Variants in EARS2 observed in about 807,000 individuals in gnomAD.
EARS2 encodes the protein nondiscriminating glutamyl-tRNA synthetase EARS2, mitochondrial.
A neutral mutation model predicts 54.1 loss-of-function variants in EARS2; 50 were observed. The observed-to-expected ratio is 0.92, with a 90% CI of 0.74 to 1.17. The LOEUF (loss-of-function observed/expected upper bound fraction) is 1.17, where lower values mean the gene tolerates loss of function less well. Ranked by LOEUF, EARS2 falls within the 50% of genes most tolerant of loss-of-function variation. EARS2 has a pLI of 0.00. For synonymous variants in EARS2, 298 were observed against 281.0 expected (o/e 1.06, Z -0.61); for missense variants, 673 against 675.0 (o/e 1.00, Z 0.03).
intron 1 of EARS2, chr16:23,556,952 C>G (rs1178550590): frequency 1.4e-6 from 1 of 692,470 alleles, no homozygotes; most frequent in Non-Finnish European, 2.6e-6. Context: ...GTCATCAATG[C>G]ACATGTATGG....
chr16:23,552,175 T>C lies in EARS2; in HGVS notation c.269A>G (p.Asn90Ser). 1 of 1,614,054 alleles carries C rather than the reference T, an allele frequency of 6.2e-7. No individual in the cohort carries two copies. The highest frequency in any genetic ancestry group is 1.1e-5 in the South Asian group (1 of 91,070). The change falls in exon 2 of 9, where the codon AAT (asparagine) becomes AGT (serine). Residue 90 changes from asparagine (N) to serine (S), a missense_variant. This residue lies in a region of EARS2 where 316 missense variants were observed against 275.2 expected (regional missense o/e 1.15). Transcript: ENST00000449606. Reference sequence around the variant, plus strand: ...TGCCCACTCCAGCATGTCCTCAATATTCTCCGCTGCCCCAGGCACAACGCG... The same window carrying C: ...TGCCCACTCCAGCATGTCCTCAATACTCTCCGCTGCCCCAGGCACAACGCG... ...QTRVVPGAAE[N>S]IEDMLEWAGI...
rs1249490630 is a variant in EARS2 at position 23,524,390 on chromosome 16, T to C, written c.1553A>G (p.Gln518Arg). 9 of 1,614,060 alleles carry C rather than the reference T, an allele frequency of 5.6e-6. No homozygotes were observed. Among genetic ancestry groups the C allele is most frequent in the Non-Finnish European group, 7.6e-6 (9 of 1,180,006 alleles). The stretch of plus-strand genomic sequence containing the variant: ...CTCTCCCTAGCTGGAAACCACCTTC[T>C]GGATCCGTTCCCGTACTTCCTTTGG... ...LGPKEVRERI[Q>R]KVVSS Residue 518 changes from glutamine to arginine, a missense_variant, in exon 9 of 9, where the codon CAG becomes CGG. By Grantham distance (43) the Gln-to-Arg change is conservative. Transcript: ENST00000449606.
At chr16:23,534,113 C>T (rs546566003) in intron 4 of EARS2, among the ~76,000 whole-genome samples, 5 of 152,102 alleles carry the variant, frequency 3.3e-5, no homozygotes, top group African/African-American at 1.2e-4. Flanking sequence ...TGAGCAGCAG[C>T]TCAGTCCCAT....
At chr16:23,527,550 C>CTT (rs33925429) in intron 7 of EARS2, among the ~76,000 whole-genome samples, 31 of 84,452 alleles carry the variant, frequency 3.7e-4, no homozygotes, top group Non-Finnish European at 4.8e-4. Context: ...AGTGATCGTT[C>CTT]TTTTTTTTTT....
chr16:23,528,431 C>A (rs925587226), intron 7 of EARS2, among the ~76,000 whole-genome samples: 4 of 152,238 alleles, frequency 2.6e-5, no homozygotes, highest in African/African-American at 7.2e-5. Flanking sequence ...CCTGCTAGAG[C>A]TGGCCCAGAG....
At chr16:23,557,027 T>G in intron 1 of EARS2, 178 bp downstream of exon 1, 2 of 964,498 alleles carry the variant, frequency 2.1e-6, no homozygotes, top group Non-Finnish European at 1.6e-6. Context: ...TCCTGGCAAT[T>G]TGAATTATTT....
intron 2 of EARS2, chr16:23,550,802 T>C (rs1325846931): frequency 6.6e-6 from 1 of 152,134 alleles, no homozygotes; most frequent in African/African-American, 2.4e-5. Context: ...AGAACACACA[T>C]CTCAAAATAG....
intron 3 of EARS2, among the ~76,000 whole-genome samples, chr16:23,539,138 C>A (rs1342046061): frequency 6.6e-6 from 1 of 151,964 alleles, no homozygotes; most frequent in Non-Finnish European, 1.5e-5. Flanking sequence ...CCACCAAGCC[C>A]AGCTAATTTT....
intron 1 of EARS2, chr16:23,556,651 G>A: frequency 3.1e-6 from 1 of 324,762 alleles, no homozygotes. Flanking sequence ...GAGCCACCGC[G>A]CCTGGCCTCC....
In EARS2 at chr16:23,555,437, G is replaced by A. The variant is rs1033244501; in HGVS notation, c.139+1768C>T. ...CCGGAGGCTGAGGTTGCAGTGAGCC[G>A]AGATTGCACCACTGCACTCCAGCCT... On this transcript the variant is annotated intron_variant, in intron 1 of 8. Transcript: ENST00000449606. Among the ~76,000 whole-genome samples, 8 of 152,148 alleles carry A rather than the reference G, an allele frequency of 5.3e-5. 1 individual carries two copies. Among genetic ancestry groups the A allele is most frequent in the African/African-American group, 1.2e-4 (5 of 41,434 alleles).
rs746087016 is a variant in EARS2 at position 23,535,179 on chromosome 16, C to T, written c.667G>A (p.Asp223Asn). The change falls in exon 4 of 9, where the codon GAC becomes AAC. Residue 223 changes from aspartate (D) to asparagine (N), a missense_variant. Asp to Asn is a conservative substitution (Grantham distance 23). This residue lies in a region of EARS2 where 19 missense variants were observed against 38.7 expected (regional missense o/e 0.49). Transcript: ENST00000449606. ...GCCAGGTGGTATGTGGGGAAGCCGT[C>T]GCTCTTCATGATGACTGGGTCTCCC... ...VEGDPVIMKS[D>N]GFPTYHLACV... 1.6e-5 allele frequency: 26 copies of T among 1,613,666 alleles called. No homozygotes were observed. In the East Asian group the frequency reaches 4.7e-4, roughly 29 times the overall value.
chr16:23,534,867 A>T (rs755736432), intron 4 of EARS2, 21 bp downstream of exon 4: 32 of 1,542,320 alleles, frequency 2.1e-5, no homozygotes, highest in Non-Finnish European at 2.7e-5. Context: ...TGCTGCCAGG[A>T]CTATTCAGGT....
intron 3 of EARS2, chr16:23,537,159 GA>G: frequency 4.8e-6 from 1 of 208,874 alleles, no homozygotes. Context: ...AGTTGCTCCA[GA>G]AAAACTTGTA....
chr16:23,555,125 A>G (rs938988995), intron 1 of EARS2, among the ~76,000 whole-genome samples: 1 of 152,204 alleles, frequency 6.6e-6, no homozygotes, highest in Non-Finnish European at 1.5e-5. Context: ...TTAACCCCAT[A>G]AGACAGATAT....
intron 1 of EARS2, among the ~76,000 whole-genome samples, chr16:23,555,132 ATAT>A (rs1255459118): frequency 2.0e-5 from 3 of 152,170 alleles, no homozygotes; most frequent in Non-Finnish European, 4.4e-5. Context: ...CATAAGACAG[ATAT>A]TATTATTAGC....
At chr16:23,555,303 T>C (rs1597030042) in intron 1 of EARS2, among the ~76,000 whole-genome samples, 1 of 152,036 alleles carries the variant, frequency 6.6e-6, no homozygotes. Context: ...CCAGGCAACA[T>C]GGCAAAACCC....
intron 4 of EARS2, among the ~76,000 whole-genome samples, 192 bp downstream of exon 4, chr16:23,534,696 A>T (rs1253058267): frequency 2.0e-5 from 3 of 152,168 alleles, no homozygotes; most frequent in Non-Finnish European, 4.4e-5. Flanking sequence ...TATCTCACCC[A>T]CTACTGTAGC....
intron 1 of EARS2, among the ~76,000 whole-genome samples, chr16:23,556,254 A>T (rs1965781207): frequency 2.0e-5 from 3 of 152,172 alleles, no homozygotes; most frequent in Admixed American, 2.0e-4. Flanking sequence ...GAGATCTCCA[A>T]CAGGCTATAC....
At chr16:23,540,928 T>C (rs560653881) in intron 3 of EARS2, among the ~76,000 whole-genome samples, 37 of 152,024 alleles carry the variant, frequency 2.4e-4, no homozygotes, top group Middle Eastern at 3.4e-3. Context: ...GAAGTGGAGG[T>C]TGCAGTGAGC....
Sources: gnomAD v4.1 joint callset for allele counts (sites outside exome capture counted in the v4.1 genomes callset) on GRCh38, gnomAD v4.1.1 for gene constraint, gnomAD v4.1.1 regional missense constraint, MANE v1.5 for transcripts, NCBI Gene and HGNC (gene_info 2026-07-23, HGNC 2026-07-21) for gene names.